The following RUFY1 variants were observed in gnomAD, a reference collection of about 807,000 sequenced individuals.
The protein encoded by RUFY1 is RUN and FYVE domain containing 1.
RUFY1 carries 54 observed loss-of-function variants against 94.6 expected under a neutral mutation model. The ratio of observed to expected loss-of-function variants is 0.57; its 90% CI spans 0.46 to 0.72. The LOEUF is 0.72. RUFY1 is among the 30% of genes least tolerant of loss of function. The pLI is 0.00. For synonymous variants in RUFY1, 396 were observed against 347.3 expected (o/e 1.14, Z -1.56); for missense variants, 883 against 883.9 (o/e 1.00, Z 0.01).
chr5:179,557,162 C>G (rs1762151471), intron 1 of RUFY1, among the ~76,000 whole-genome samples: 2 of 152,166 alleles, frequency 1.3e-5, no homozygotes, highest in African/African-American at 4.8e-5. Flanking sequence ...GGCACGGTGG[C>G]TCATGCCTGT....
In RUFY1 at chr5:179,593,650, G is replaced by T. The variant is rs752871742; in HGVS notation, c.1413+5G>T. 86 of 1,612,642 alleles carry T rather than the reference G, an allele frequency of 5.3e-5. No homozygotes were observed. The highest frequency in any genetic ancestry group is 7.0e-5 in the Non-Finnish European group (82 of 1,179,058). On this transcript the variant is annotated splice_donor_5th_base_variant and intron_variant, in intron 11 of 17. Coordinates refer to ENST00000319449, the MANE Select transcript of RUFY1 (RefSeq NM_025158.5). Reference sequence around the variant, plus strand: ...CAGATGTTTCACAAAGCTCAGGTGGGAGTTGGCTTTGTGTCCATGGCACAG... The same window carrying T: ...CAGATGTTTCACAAAGCTCAGGTGGTAGTTGGCTTTGTGTCCATGGCACAG...
intron 7 of RUFY1, among the ~76,000 whole-genome samples, chr5:179,583,889 G>A (rs1286174235): frequency 4.6e-5 from 7 of 151,176 alleles, no homozygotes; most frequent in East Asian, 2.0e-4. Context: ...AGCTGGGATT[G>A]CAGGCGCCCA....
At chr5:179,568,819 T>C (rs1171790673) in intron 4 of RUFY1, among the ~76,000 whole-genome samples, 1 of 152,184 alleles carries the variant, frequency 6.6e-6, no homozygotes, top group Non-Finnish European at 1.5e-5. Flanking sequence ...AGGCAGGGGA[T>C]GGACCACCCC....
chr5:179,602,036 C>T, intron 15 of RUFY1, 50 bp downstream of exon 15: 2 of 1,443,976 alleles, frequency 1.4e-6, no homozygotes, highest in Non-Finnish European at 1.9e-6. Flanking sequence ...CCAGGCTACC[C>T]ACCACATCCC....
Position 179,550,662 on chromosome 5 carries a change from G to A in RUFY1, c.93G>A (p.Glu31=). 6.7e-7 allele frequency: 1 copy of A among 1,484,004 alleles called. No individual in the cohort carries two copies. 91.9% of individuals were successfully genotyped at this position (1,484,004 alleles called of 1,614,324 possible). A position where few individuals can be genotyped will look rare whatever the true frequency, so the allele number is the denominator to read the frequency against. Residue 31 remains glutamate (E), a synonymous_variant, in exon 1 of 18, where the codon GAG becomes GAA. Transcript: ENST00000319449. ...EPGPGPGSAL[E]PGEEFEIVDR... ...GGCCGGGGCCCGGGTCAGCGCTTGA[G>A]CCGGGAGAAGAGTTTGAGATCGTGG...
intron 17 of RUFY1, chr5:179,608,583 C>G (rs1005482994): frequency 1.0e-6 from 1 of 985,402 alleles, no homozygotes; most frequent in African/African-American, 1.7e-5. Context: ...CATGGACTAG[C>G]AGCTCACTGG....
chr5:179,585,607 G>C (rs565398122), intron 7 of RUFY1, among the ~76,000 whole-genome samples, 189 bp from the exon 8 acceptor site: 58 of 151,990 alleles, frequency 3.8e-4, no homozygotes, highest in Non-Finnish European at 7.2e-4. Flanking sequence ...TTAAATTTTC[G>C]GGACAAAACT....
At chr5:179,597,304 C>T (rs1185692873) in intron 13 of RUFY1, among the ~76,000 whole-genome samples, 6 of 152,012 alleles carry the variant, frequency 3.9e-5, no homozygotes, top group African/African-American at 1.4e-4. Flanking sequence ...GGCGCGATCT[C>T]GGCTCACTGC....
chr5:179,555,118 T>C (rs922690855), intron 1 of RUFY1, among the ~76,000 whole-genome samples: 1 of 152,174 alleles, frequency 6.6e-6, no homozygotes, highest in Non-Finnish European at 1.5e-5. Flanking sequence ...CCACAAGGAA[T>C]GTATCTTGCT....
At chr5:179,564,910 C>G (rs954213715) in intron 3 of RUFY1, among the ~76,000 whole-genome samples, 2 of 151,914 alleles carry the variant, frequency 1.3e-5, no homozygotes, top group African/African-American at 4.8e-5. Flanking sequence ...CCTCTGTGTA[C>G]TGATATGGAA....
intron 3 of RUFY1, 194 bp downstream of exon 3, chr5:179,562,858 C>T (rs1046702444): frequency 1.9e-6 from 1 of 526,422 alleles, no homozygotes. Flanking sequence ...ACAGTGATTC[C>T]TGCTTGCCAC....
intron 7 of RUFY1, among the ~76,000 whole-genome samples, chr5:179,583,480 G>A (rs1385288956): frequency 6.7e-6 from 1 of 148,428 alleles, no homozygotes; most frequent in Non-Finnish European, 1.5e-5. Context: ...GCAGTAGCGC[G>A]ATCTCGGCTC....
At position 179,590,839 on chromosome 5, in the gene RUFY1, CT is replaced by C. The variant is rs946447548; in HGVS notation, c.1129-773del. 174 of 139,824 alleles carry C rather than the reference CT, an allele frequency of 1.2e-3. 1 individual carries two copies. The highest frequency in any genetic ancestry group is 2.5e-3 in the South Asian group (11 of 4,334). The allele number at this position is 139,824 out of a possible 1,614,324, so 8.7% of individuals were successfully genotyped here. A position where few individuals can be genotyped will look rare whatever the true frequency, so the allele number is the denominator to read the frequency against. On this transcript the variant is annotated intron_variant, in intron 9 of 17. Coordinates refer to ENST00000319449, the MANE Select transcript of RUFY1 (RefSeq NM_025158.5). ...AATTTAAATTGCTTTATCAATGTAA[CT>C]TTTTTTTTTTTTGGAAACAGAGTCT...
At chr5:179,609,142 G>C (rs1203639899) in intron 17 of RUFY1, among the ~76,000 whole-genome samples, 2 of 146,756 alleles carry the variant, frequency 1.4e-5, no homozygotes, top group African/African-American at 5.0e-5. Context: ...GGGAGGCAGA[G>C]CTTGCAGTGA....
chr5:179,562,702 A>G lies in RUFY1; in HGVS notation c.602+38A>G, dbSNP rs568620081. 7.3e-5 allele frequency: 79 copies of G among 1,079,980 alleles called. 3 individuals carry two copies. The highest frequency in any genetic ancestry group is 5.4e-4 in the South Asian group (42 of 77,616). 66.9% of individuals were successfully genotyped at this position (1,079,980 alleles called of 1,614,324 possible). On this transcript the variant is annotated intron_variant, in intron 3 of 17. Coordinates refer to ENST00000319449, the MANE Select transcript of RUFY1 (RefSeq NM_025158.5). ...TAGTTCTGCCAATTTGATGATTTTA[A>G]AAACTCCCTCATATTTACTCATTTC...
intron 2 of RUFY1, among the ~76,000 whole-genome samples, chr5:179,561,688 T>TA (rs1762469458): frequency 1.2e-5 from 1 of 84,622 alleles, no homozygotes; most frequent in Non-Finnish European, 2.7e-5. Context: ...CTTTTTTTTT[T>TA]TTTTTTTTTT....
At position 179,598,701 on chromosome 5, in the gene RUFY1, G is replaced by A. The variant is rs768068137; in HGVS notation, c.1641G>A (p.Leu547=). The A allele has an allele frequency of 3.1e-6, 5 of 1,614,122 alleles. No individual in the cohort carries two copies. In the South Asian group the frequency reaches 3.3e-5, roughly 11 times the overall value. ...LSQLHEQCSS[L]EKELKSEKEQ... ...CATTTTGGGAAAACAGCTCAAGCCT[G>A]GAGAAAGAATTGAAATCAGAAAAAG... Residue 547 remains leucine (L), a synonymous_variant, in exon 14 of 18, where the codon CTG becomes CTA. Transcript: ENST00000319449.
At chr5:179,598,595 T>TCAGA in intron 13 of RUFY1, 97 bp from the exon 14 acceptor site, 1 of 1,439,910 alleles carries the variant, frequency 6.9e-7, no homozygotes, top group Non-Finnish European at 9.6e-7. Context: ...AAGAGGCAAT[T>TCAGA]CAGAGACTTC....
Position 179,609,575 on chromosome 5 carries a change from A to AG in RUFY1, c.*60dup. 6.8e-7 allele frequency: 1 copy of AG among 1,466,576 alleles called. No homozygotes were observed. The highest frequency in any genetic ancestry group is 1.3e-5 in the South Asian group (1 of 78,250). 90.8% of individuals were successfully genotyped at this position (1,466,576 alleles called of 1,614,324 possible). A position where few individuals can be genotyped will look rare whatever the true frequency, so the allele number is the denominator to read the frequency against. On this transcript the variant is annotated 3_prime_UTR_variant, in exon 18 of 18. Transcript: ENST00000319449. ...ACAGTGCCAAACCCTGTGGGTCTCCAGGGGCTTGGGAAATGTGTTCTTTCC... is the reference window on the plus strand; with the variant it reads ...ACAGTGCCAAACCCTGTGGGTCTCCAGGGGGCTTGGGAAATGTGTTCTTTCC...
Sources: gnomAD v4.1 joint callset for allele counts (sites outside exome capture counted in the v4.1 genomes callset) on GRCh38, gnomAD v4.1.1 for gene constraint, MANE v1.5 for transcripts, NCBI Gene and HGNC (gene_info 2026-07-23, HGNC 2026-07-21) for gene names.